CTNND2: variants seen among roughly 807,000 people sequenced by gnomAD.
CTNND2 encodes catenin delta-2.
CTNND2 carries 22 observed loss-of-function variants against 144.4 expected under a neutral mutation model. The observed-to-expected ratio is 0.15, with a 90% CI of 0.11 to 0.22. The LOEUF (loss-of-function observed/expected upper bound fraction) is 0.22, where lower values mean the gene tolerates loss of function less well. Ranked by LOEUF, CTNND2 falls within the 10% of genes least tolerant of loss-of-function variation. The pLI is 1.00. For missense variants in CTNND2, 1,353 were observed against 1,618.8 expected (o/e 0.84, Z 2.82); for synonymous variants, 751 against 695.6 (o/e 1.08, Z -1.25).
intron 15 of CTNND2, among the ~76,000 whole-genome samples, chr5:11,095,689 A>G (rs1289071014): frequency 6.6e-6 from 1 of 152,220 alleles, no homozygotes; most frequent in Non-Finnish European, 1.5e-5. Context: ...TCATTGTATG[A>G]ATGAATGATT....
chr5:11,147,060 C>G, intron 12 of CTNND2, among the ~76,000 whole-genome samples: 1 of 152,186 alleles, frequency 6.6e-6, no homozygotes, highest in East Asian at 1.9e-4. Context: ...CAGTCATTCA[C>G]TCAGTCATTC....
At chr5:11,287,765 G>A (rs1747898498) in intron 9 of CTNND2, among the ~76,000 whole-genome samples, 1 of 152,192 alleles carries the variant, frequency 6.6e-6, no homozygotes, top group Non-Finnish European at 1.5e-5. Context: ...TTTCTAGAAA[G>A]TGAATATGCC....
At chr5:11,353,658 T>C (rs1755568287) in intron 8 of CTNND2, among the ~76,000 whole-genome samples, 1 of 151,862 alleles carries the variant, frequency 6.6e-6, no homozygotes, top group South Asian at 2.1e-4. Flanking sequence ...CAAAAATTAG[T>C]TGGGTGTGGT....
chr5:11,382,243 T>G (rs1459865322), intron 7 of CTNND2, among the ~76,000 whole-genome samples: 4 of 152,222 alleles, frequency 2.6e-5, no homozygotes, highest in Non-Finnish European at 5.9e-5. Context: ...CCAAGGATTT[T>G]GGCTGATTTC....
At chr5:11,883,037 A>G (rs1016039473) in intron 1 of CTNND2, among the ~76,000 whole-genome samples, 1 of 152,074 alleles carries the variant, frequency 6.6e-6, no homozygotes, top group African/African-American at 2.4e-5. Context: ...GCTTTGTCAA[A>G]TGTATTCCTA....
intron 2 of CTNND2, among the ~76,000 whole-genome samples, chr5:11,664,416 C>T (rs772358306): frequency 1.3e-5 from 2 of 152,112 alleles, no homozygotes; most frequent in African/African-American, 4.8e-5. Context: ...CATGGTGAAA[C>T]CCCATCGCTA....
At chr5:11,776,954 A>AT (rs1445396409) in intron 1 of CTNND2, among the ~76,000 whole-genome samples, 1 of 152,240 alleles carries the variant, frequency 6.6e-6, no homozygotes, top group South Asian at 2.1e-4. Flanking sequence ...CACTCCTAAT[A>AT]AAAACAGTAT....
chr5:11,266,575 G>A (rs1044526870), intron 9 of CTNND2, among the ~76,000 whole-genome samples: 4 of 152,160 alleles, frequency 2.6e-5, no homozygotes, highest in South Asian at 2.1e-4. Flanking sequence ...GGGAGGGTTC[G>A]CTTGGGAGAG....
At chr5:11,615,337 T>C (rs1246340823) in intron 2 of CTNND2, among the ~76,000 whole-genome samples, 1 of 152,218 alleles carries the variant, frequency 6.6e-6, no homozygotes, top group African/African-American at 2.4e-5. Flanking sequence ...ATTATTTGTA[T>C]ACAGTCCCTT....
chr5:11,124,757 G>A (rs545128928), intron 12 of CTNND2, among the ~76,000 whole-genome samples: 2 of 152,302 alleles, frequency 1.3e-5, no homozygotes, highest in South Asian at 4.2e-4. Context: ...GAGGGTGTCT[G>A]TGAACTCCTG....
chr5:11,243,990 G>A (rs570237123), intron 9 of CTNND2, among the ~76,000 whole-genome samples: 1 of 152,238 alleles, frequency 6.6e-6, no homozygotes, highest in South Asian at 2.1e-4. Context: ...TAATCCTTTA[G>A]AAACTCTAAA....
At chr5:11,156,559 C>G (rs1303384351) in intron 12 of CTNND2, among the ~76,000 whole-genome samples, 1 of 152,042 alleles carries the variant, frequency 6.6e-6, no homozygotes, top group Non-Finnish European at 1.5e-5. Flanking sequence ...GCTACAGAAG[C>G]AAACCAAAAA....
intron 16 of CTNND2, among the ~76,000 whole-genome samples, chr5:11,077,855 A>C (rs1749107357): frequency 6.6e-6 from 1 of 152,174 alleles, no homozygotes; most frequent in Non-Finnish European, 1.5e-5. Flanking sequence ...TTGTTGATAG[A>C]TTAGGTATGA....
At position 11,281,295 on chromosome 5, in the gene CTNND2, A is replaced by G. The variant is rs540059195; in HGVS notation, c.1629-44472T>C. ...TTGACTAAAATGGCTTGGGGGAGCT[A>G]CGTTTCTGGAAATGTTCACGAACTC... On this transcript the variant is annotated intron_variant, in intron 9 of 21. Coordinates refer to ENST00000304623, the MANE Select transcript of CTNND2 (RefSeq NM_001332.4). 2.6e-5 allele frequency among the ~76,000 whole-genome samples: 4 copies of G among 152,280 alleles called. No homozygotes were observed. The East Asian group carries it at 7.7e-4, about 29-fold the overall frequency.
At chr5:11,181,832 T>C (rs922771897) in intron 11 of CTNND2, among the ~76,000 whole-genome samples, 1 of 119,232 alleles carries the variant, frequency 8.4e-6, no homozygotes, top group Non-Finnish European at 1.8e-5. Context: ...TGTGTGTGTA[T>C]GTGTGGCATG....
intron 2 of CTNND2, among the ~76,000 whole-genome samples, chr5:11,664,738 T>A (rs1162495664): frequency 1.3e-5 from 2 of 152,178 alleles, no homozygotes; most frequent in African/African-American, 2.4e-5. Flanking sequence ...TCCAATTCAT[T>A]TCACTCACTA....
At chr5:11,847,214 A>C (rs1276734178) in intron 1 of CTNND2, among the ~76,000 whole-genome samples, 7 of 145,338 alleles carry the variant, frequency 4.8e-5, no homozygotes, top group Admixed American at 2.8e-4. Flanking sequence ...CACAATAGCC[A>C]AGATATAGAA....
At chr5:11,569,517 T>A (rs1490002312) in intron 2 of CTNND2, among the ~76,000 whole-genome samples, 1 of 152,170 alleles carries the variant, frequency 6.6e-6, no homozygotes, top group Admixed American at 6.5e-5. Context: ...AAATGGAGTT[T>A]ATTAAATGTT....
Position 10,973,363 on chromosome 5 carries a change from A to G in CTNND2, c.*90T>C. ...CCTATGGAACAGGCTTTAACAAACT[A>G]AATTTGCAGGAGAAAAAAACAAAAC... On this transcript the variant is annotated 3_prime_UTR_variant, in exon 22 of 22. Transcript: ENST00000304623. The surrounding 1 kb of genome is among the most constrained non-coding windows in gnomAD (Gnocchi z 5.6). The G allele has an allele frequency of 7.2e-7, 1 of 1,386,570 alleles. No homozygotes were observed. Among genetic ancestry groups the G allele is most frequent in the East Asian group, 2.5e-5 (1 of 40,344 alleles). 85.9% of individuals were successfully genotyped at this position (1,386,570 alleles called of 1,614,324 possible).
Sources: gnomAD v4.1 joint callset for allele counts (sites outside exome capture counted in the v4.1 genomes callset) on GRCh38, gnomAD v4.1.1 for gene constraint, Gnocchi (gnomAD v3.1) non-coding constraint, MANE v1.5 for transcripts, NCBI Gene and HGNC (gene_info 2026-07-23, HGNC 2026-07-21) for gene names.